Variants in VMA12 observed in about 807,000 individuals in gnomAD.
VMA12 encodes vacuolar ATPase assembly factor VMA12.
the VMA12 span, chr17:28,361,070 G>C: frequency 3.8e-6 from 5 of 1,325,676 alleles, no homozygotes; most frequent in Admixed American, 8.9e-5. Context: ...AGGGTGGTTG[G>C]GGGGCTCTCC....
At chr17:28,360,345 C>G in the VMA12 span, 1 of 579,738 alleles carries the variant, frequency 1.7e-6, no homozygotes, top group Non-Finnish European at 3.1e-6. Flanking sequence ...TACTGGCAGC[C>G]TATGTCCTCT....
the VMA12 span, chr17:28,360,211 C>T: frequency 5.9e-4 from 143 of 240,388 alleles, no homozygotes; most frequent in Middle Eastern, 8.1e-3. Context: ...CCTCCTGCCT[C>T]GGCCTCCCAA....
At chr17:28,363,265 T>C in the VMA12 span, 1 of 152,160 alleles carries the variant, frequency 6.6e-6, no homozygotes, top group Non-Finnish European at 1.5e-5. Context: ...ATGTCCTAGA[T>C]TCAGTGGGAC....
chr17:28,363,303 C>T, the VMA12 span: 77 of 152,244 alleles, frequency 5.1e-4, no homozygotes, highest in African/African-American at 1.5e-3. Context: ...AGCAGAGGCT[C>T]TCATCTCCCC....
the VMA12 span, chr17:28,357,782 C>A: frequency 6.2e-7 from 1 of 1,613,840 alleles, no homozygotes; most frequent in South Asian, 1.1e-5. Context: ...TGAGGCCGCG[C>A]TGGGGAAGAA....
At chr17:28,361,045 C>A in the VMA12 span, 1 of 1,094,454 alleles carries the variant, frequency 9.1e-7, no homozygotes, top group Non-Finnish European at 1.4e-6. Flanking sequence ...CTTTTCTTCC[C>A]CTCCCCCAAC....
chr17:28,361,348 C>A, the VMA12 span: 1 of 1,206,362 alleles, frequency 8.3e-7, no homozygotes, highest in Non-Finnish European at 1.2e-6. Flanking sequence ...TTTTTGTATT[C>A]AGCTCCAGTT....
the VMA12 span, chr17:28,361,923 A>G: frequency 2.0e-5 from 3 of 152,436 alleles, no homozygotes; most frequent in African/African-American, 7.2e-5. Flanking sequence ...AATGGAGCCA[A>G]AGACGCCTAT....
the VMA12 span, chr17:28,361,040 C>G: frequency 9.4e-7 from 1 of 1,058,510 alleles, no homozygotes; most frequent in Non-Finnish European, 1.4e-6. Context: ...ATTCTCTTTT[C>G]TTCCCCTCCC....
At chr17:28,359,774 G>A in the VMA12 span, among the ~76,000 whole-genome samples, 4 of 151,920 alleles carry the variant, frequency 2.6e-5, no homozygotes, top group Non-Finnish European at 2.9e-5. Flanking sequence ...GCGTGGTGGC[G>A]GGCACCTGTA....
chr17:28,358,098 C>G, the VMA12 span: 1 of 583,882 alleles, frequency 1.7e-6, no homozygotes, highest in Non-Finnish European at 3.0e-6. Flanking sequence ...TTGAGAGCCC[C>G]CTCTTCACTT....
chr17:28,358,146 C>A, the VMA12 span: 2 of 525,236 alleles, frequency 3.8e-6, no homozygotes, highest in Non-Finnish European at 6.9e-6. Flanking sequence ...TTGAGAAAGT[C>A]TAGGTTTTTA....
chr17:28,359,534 C>G, the VMA12 span: 1 of 767,370 alleles, frequency 1.3e-6, no homozygotes, highest in African/African-American at 1.8e-5. Context: ...CATAGGAAGT[C>G]TGCATACAAA....
chr17:28,360,660 T>G, the VMA12 span: 1 of 1,605,638 alleles, frequency 6.2e-7, no homozygotes, highest in Non-Finnish European at 8.5e-7. Flanking sequence ...ACCCAGTTGG[T>G]GGGGGAGCCA....
the VMA12 span, chr17:28,358,536 A>G: frequency 4.2e-6 from 2 of 477,162 alleles, no homozygotes; most frequent in Non-Finnish European, 8.6e-6. Context: ...TATTAGAACT[A>G]GAAAGGACCT....
At chr17:28,358,085 C>A in the VMA12 span, 1 of 602,196 alleles carries the variant, frequency 1.7e-6, no homozygotes, top group Non-Finnish European at 2.9e-6. Flanking sequence ...AGTTTCTGCT[C>A]TTTTGAGAGC....
the VMA12 span, chr17:28,357,994 A>G: frequency 3.5e-6 from 4 of 1,140,790 alleles, no homozygotes; most frequent in Non-Finnish European, 3.7e-6. Flanking sequence ...AGACAAGTCA[A>G]GAGTCACTCC....
the VMA12 span, chr17:28,362,619 A>G: frequency 0.98 from 149,307 of 152,366 alleles, 73,170 homozygotes; most frequent in East Asian, 1. Flanking sequence ...GCAACATGGC[A>G]AAAGCCCATC....
chr17:28,360,370 C>A, the VMA12 span: 1 of 657,804 alleles, frequency 1.5e-6, no homozygotes, highest in Non-Finnish European at 2.6e-6. Flanking sequence ...GAAATGCCTG[C>A]TCTGTAGTCC....
Sources: gnomAD v4.1 joint callset for allele counts (sites outside exome capture counted in the v4.1 genomes callset) on GRCh38, gnomAD v4.1.1 for gene constraint, MANE v1.5 for transcripts, NCBI Gene and HGNC (gene_info 2026-07-23, HGNC 2026-07-21) for gene names.